SMC6: variants seen among roughly 807,000 people sequenced by gnomAD.
SMC6 encodes the protein structural maintenance of chromosomes protein 6.
Under a neutral mutation model 142.2 loss-of-function variants are expected in SMC6, and 79 were observed. The ratio of observed to expected loss-of-function variants is 0.56; its 90% confidence interval spans 0.46 to 0.67. SMC6 has a LOEUF of 0.67. SMC6 is among the 30% of genes least tolerant of loss of function. SMC6 has a pLI of 0.00. For synonymous variants in SMC6, 411 were observed against 412.4 expected (o/e 1.00, Z 0.04); for missense variants, 1,072 against 1,284.0 (o/e 0.83, Z 2.52).
intron 3 of SMC6, among the ~76,000 whole-genome samples, chr2:17,745,395 A>C (rs1331720649): frequency 3.3e-5 from 5 of 152,144 alleles, no homozygotes; most frequent in Non-Finnish European, 7.4e-5. Flanking sequence ...TATTCAGATG[A>C]TCTATTTCGT....
At chr2:17,743,677 A>G (rs1670586561) in intron 3 of SMC6, among the ~76,000 whole-genome samples, 1 of 145,920 alleles carries the variant, frequency 6.9e-6, no homozygotes, top group African/African-American at 2.8e-5. Context: ...TTATAATGAC[A>G]TGTTTCCACC....
At chr2:17,721,694 G>C (rs1186296052) in intron 9 of SMC6, among the ~76,000 whole-genome samples, 5 of 147,322 alleles carry the variant, frequency 3.4e-5, no homozygotes, top group African/African-American at 1.3e-4. Context: ...TCTTAACTAA[G>C]TTCACTTTTT....
intron 7 of SMC6, among the ~76,000 whole-genome samples, chr2:17,729,486 A>G (rs901875991): frequency 1.3e-5 from 2 of 152,234 alleles, no homozygotes; most frequent in African/African-American, 4.8e-5. Flanking sequence ...CTGTCCACAG[A>G]AGAAGGAAGA....
intron 15 of SMC6, 136 bp from the exon 16 acceptor site, chr2:17,715,201 A>T: frequency 1.3e-6 from 1 of 781,764 alleles, no homozygotes; most frequent in Non-Finnish European, 2.0e-6. Context: ...AGATCATTTA[A>T]TCATAGTTTA....
intron 5 of SMC6, among the ~76,000 whole-genome samples, chr2:17,737,844 C>T (rs1421398319): frequency 6.6e-6 from 1 of 152,154 alleles, no homozygotes; most frequent in Non-Finnish European, 1.5e-5. Flanking sequence ...ACTGATTTTG[C>T]TCTCCCTACT....
At chr2:17,716,660 A>G in intron 14 of SMC6, 81 bp downstream of exon 14, 1 of 1,329,996 alleles carries the variant, frequency 7.5e-7, no homozygotes, top group Non-Finnish European at 1.0e-6. Flanking sequence ...AAACAACCAT[A>G]TTTGCTCTCT....
intron 2 of SMC6, among the ~76,000 whole-genome samples, chr2:17,748,679 C>CTCT (rs1374642367): frequency 1.3e-5 from 2 of 152,202 alleles, no homozygotes; most frequent in African/African-American, 4.8e-5. Context: ...GCTAACCACC[C>CTCT]TCTATTCCCT....
intron 23 of SMC6, among the ~76,000 whole-genome samples, chr2:17,693,106 T>C (rs915355934): frequency 2.0e-5 from 3 of 152,152 alleles, no homozygotes; most frequent in African/African-American, 7.2e-5. Flanking sequence ...ACACTGTTGA[T>C]GGGGACTGTA....
intron 23 of SMC6, among the ~76,000 whole-genome samples, chr2:17,687,098 G>A (rs2124873208): frequency 6.6e-6 from 1 of 152,204 alleles, no homozygotes; most frequent in East Asian, 1.9e-4. Context: ...TACAATGTTG[G>A]CGCAAATGCA....
intron 9 of SMC6, 140 bp downstream of exon 9, chr2:17,725,117 T>C (rs1669550461): frequency 5.0e-6 from 3 of 600,828 alleles, no homozygotes; most frequent in Admixed American, 3.5e-5. Context: ...AAACACTACA[T>C]TGCATATACT....
At chr2:17,700,141 T>C (rs1268000985) in intron 21 of SMC6, 67 bp downstream of exon 21, 7 of 1,054,620 alleles carry the variant, frequency 6.6e-6, no homozygotes, top group South Asian at 1.9e-5. Flanking sequence ...CCAATATCCA[T>C]AGAGTACATG....
intron 23 of SMC6, among the ~76,000 whole-genome samples, chr2:17,693,924 C>T (rs535919457): frequency 9.1e-5 from 13 of 142,776 alleles, no homozygotes; most frequent in Non-Finnish European, 1.3e-4. Context: ...CGCTTGAACC[C>T]GGGGGACAGA....
rs887123905 is a variant in SMC6, at chr2:17,745,965, T to C, written c.-5-14A>G. The C allele has an allele frequency of 3.2e-5, 51 of 1,580,494 alleles. No individual in the cohort carries two copies. The highest frequency in any genetic ancestry group is 7.4e-5 in the Admixed American group (4 of 53,968). ...TGGCCATCAGGTCTGAACAAATATT[T>C]ATAGTAACAATGAGGTAAATCAAGT... On this transcript the variant is annotated splice_polypyrimidine_tract_variant and intron_variant, in intron 2 of 27. Transcript: ENST00000448223.
chr2:17,742,241 G>A (rs374277102), intron 3 of SMC6, among the ~76,000 whole-genome samples: 65 of 152,240 alleles, frequency 4.3e-4, no homozygotes, highest in African/African-American at 1.4e-3. Context: ...GAAAGATGAC[G>A]ATCCAGCCAT....
chr2:17,677,094 T>C (rs1294124835), intron 25 of SMC6, among the ~76,000 whole-genome samples: 1 of 152,188 alleles, frequency 6.6e-6, no homozygotes, highest in Admixed American at 6.5e-5. Flanking sequence ...TGAATATAAA[T>C]GGTGAGCGTG....
At chr2:17,752,930 G>T in intron 2 of SMC6, 48 bp downstream of exon 2, 1 of 735,940 alleles carries the variant, frequency 1.4e-6, no homozygotes, top group Non-Finnish European at 1.7e-6. Context: ...CTTCTGTCTT[G>T]AGGGCTCAAA....
intron 4 of SMC6, among the ~76,000 whole-genome samples, chr2:17,739,338 T>C (rs979643349): frequency 6.6e-6 from 1 of 151,496 alleles, no homozygotes; most frequent in Non-Finnish European, 1.5e-5. Context: ...ACCTGGTCAC[T>C]ACAAAAAATA....
intron 23 of SMC6, among the ~76,000 whole-genome samples, chr2:17,694,600 G>T (rs1234047538): frequency 6.6e-6 from 1 of 152,102 alleles, no homozygotes; most frequent in Non-Finnish European, 1.5e-5. Flanking sequence ...TTAATCTTCA[G>T]AACAATCCCC....
At chr2:17,676,337 C>T (rs1440468775) in intron 25 of SMC6, among the ~76,000 whole-genome samples, 2 of 152,198 alleles carry the variant, frequency 1.3e-5, no homozygotes, top group East Asian at 3.9e-4. Flanking sequence ...TAATTATCAT[C>T]TGGTAGTCTG....
Sources: gnomAD v4.1 joint callset for allele counts (sites outside exome capture counted in the v4.1 genomes callset) on GRCh38, gnomAD v4.1.1 for gene constraint, MANE v1.5 for transcripts, NCBI Gene and HGNC (gene_info 2026-07-23, HGNC 2026-07-21) for gene names.